CALCR: variants seen among roughly 807,000 people sequenced by gnomAD.
The protein encoded by CALCR is calcitonin receptor.
In CALCR, 47 loss-of-function variants were observed where a neutral mutation model predicts 59.5. That is an observed-to-expected ratio of 0.79 (90% CI 0.63 to 1.01). CALCR has a LOEUF of 1.01. Ranked by LOEUF, CALCR falls within the 50% of genes least tolerant of loss-of-function variation. The pLI is 0.00. For synonymous variants in CALCR, 213 were observed against 211.3 expected, an observed-to-expected ratio of 1.01 and a Z score of -0.07; for missense variants, 566 against 597.1, an observed-to-expected ratio of 0.95 and a Z score of 0.54.
chr7:93,539,103 A>G (rs557398596), intron 2 of CALCR, among the ~76,000 whole-genome samples: 1 of 152,228 alleles, frequency 6.6e-6, no homozygotes, highest in Admixed American at 6.5e-5. Flanking sequence ...ATATGTTACA[A>G]TAGCTCCCCA....
chr7:93,532,838 C>CAAAAAAAAAAAAAAAAAA lies in CALCR; in HGVS notation c.-27+41433_-27+41450dup, dbSNP rs57128008. Among the ~76,000 whole-genome samples the CAAAAAAAAAAAAAAAAAA allele has an allele frequency of 2.1e-4, 20 of 95,672 alleles. 2 individuals carry two copies. Among genetic ancestry groups the CAAAAAAAAAAAAAAAAAA allele is most frequent in the African/African-American group, 9.5e-4 (19 of 19,924 alleles). The allele number at this position is 95,672 out of a possible 152,430, so 62.8% of individuals were successfully genotyped here. A position where few individuals can be genotyped will look rare whatever the true frequency, so the allele number is the denominator to read the frequency against. On this transcript the variant is annotated intron_variant, in intron 2 of 13. Coordinates refer to ENST00000426151, the MANE Select transcript of CALCR (RefSeq NM_001742.4). Reference sequence around the variant, plus strand: ...TAGCCTTGATTCCTCATGTCCAAAGCAAAAAAAAAAAAAAAAAAAAAAAAA... The same window carrying CAAAAAAAAAAAAAAAAAA: ...TAGCCTTGATTCCTCATGTCCAAAGCAAAAAAAAAAAAAAAAAAAAAAAAAAAAAAAAAAAAAAAAAAA...
intron 2 of CALCR, among the ~76,000 whole-genome samples, chr7:93,553,618 G>A (rs987408724): frequency 6.6e-6 from 1 of 151,964 alleles, no homozygotes; most frequent in Non-Finnish European, 1.5e-5. Context: ...AGTTACTGAC[G>A]GTTTCTGTGC....
chr7:93,474,763 C>T (rs922917159), intron 5 of CALCR, among the ~76,000 whole-genome samples: 2 of 151,726 alleles, frequency 1.3e-5, no homozygotes, highest in African/African-American at 4.8e-5. Context: ...GGAATCTTCA[C>T]AAAATTTTAA....
chr7:93,553,287 G>T (rs1391571201), intron 2 of CALCR, among the ~76,000 whole-genome samples: 1 of 152,100 alleles, frequency 6.6e-6, no homozygotes, highest in Non-Finnish European at 1.5e-5. Flanking sequence ...GGTTCAATAT[G>T]TCAAAGAGTT....
At chr7:93,499,569 AGCT>A (rs1801279107) in intron 2 of CALCR, among the ~76,000 whole-genome samples, 1 of 151,836 alleles carries the variant, frequency 6.6e-6, no homozygotes, top group South Asian at 2.1e-4. Context: ...TAGCAGAAAA[AGCT>A]GCAGTAAAAG....
At chr7:93,499,937 T>A (rs1261511848) in intron 2 of CALCR, among the ~76,000 whole-genome samples, 2 of 151,884 alleles carry the variant, frequency 1.3e-5, no homozygotes, top group Admixed American at 1.3e-4. Context: ...ATACAAAATA[T>A]CATCTTGTCC....
rs143546245 is a variant in CALCR at position 93,430,527 on chromosome 7, A to G, written c.1191+3726T>C. ...CTTGCTCTAAAGGGTAACAATACCT[A>G]AGTATCATTTATGATAAAGTTAAAC... On this transcript the variant is annotated intron_variant, in intron 13 of 13. Transcript: ENST00000426151. Among the ~76,000 whole-genome samples, 4 of 152,306 alleles carry G rather than the reference A, an allele frequency of 2.6e-5. No individual in the cohort carries two copies. The East Asian group carries it at 7.7e-4, about 29-fold the overall frequency.
chr7:93,505,277 T>C (rs1311888147), intron 2 of CALCR, among the ~76,000 whole-genome samples: 1 of 152,202 alleles, frequency 6.6e-6, no homozygotes. Flanking sequence ...GTTGCATCTG[T>C]TTTTGTCAAA....
chr7:93,431,157 C>T (rs1401373017), intron 13 of CALCR, among the ~76,000 whole-genome samples: 2 of 152,206 alleles, frequency 1.3e-5, no homozygotes, highest in African/African-American at 4.8e-5. Flanking sequence ...GAGAAAGACA[C>T]ACAAATGGCC....
intron 8 of CALCR, among the ~76,000 whole-genome samples, chr7:93,450,989 A>G (rs954721855): frequency 1.3e-5 from 2 of 151,886 alleles, no homozygotes; most frequent in Admixed American, 1.3e-4. Context: ...TTTCAGGAGT[A>G]ATCTTTTTCC....
At chr7:93,442,435 G>C (rs1056608809) in intron 9 of CALCR, among the ~76,000 whole-genome samples, 2 of 152,124 alleles carry the variant, frequency 1.3e-5, no homozygotes, top group Non-Finnish European at 2.9e-5. Context: ...GGGTGTTATG[G>C]AAACCAGTAT....
Position 93,438,142 on chromosome 7 carries a change from G to C in CALCR, c.864-16C>G. 6.2e-7 allele frequency: 1 copy of C among 1,613,524 alleles called. No individual in the cohort carries two copies. Among genetic ancestry groups the C allele is most frequent in the East Asian group, 2.2e-5 (1 of 44,858 alleles). On this transcript the variant is annotated splice_polypyrimidine_tract_variant and intron_variant, in intron 10 of 13. Transcript: ENST00000426151. ...CAGCCAGCAGCTGAAAAAGGGCAAG[G>C]GGACAATTAATACACAAATACATTT...
intron 12 of CALCR, among the ~76,000 whole-genome samples, chr7:93,434,739 C>A (rs113757138): frequency 9.3e-4 from 142 of 152,252 alleles, no homozygotes; most frequent in African/African-American, 3.2e-3. Context: ...ATACTGTACC[C>A]ACCGCCAAGT....
At chr7:93,449,996 G>A (rs892249233) in intron 8 of CALCR, among the ~76,000 whole-genome samples, 33 of 152,014 alleles carry the variant, frequency 2.2e-4, no homozygotes, top group African/African-American at 8.0e-4. Flanking sequence ...ATGCGTATGT[G>A]CCTTTGGGTA....
At chr7:93,542,451 C>T (rs925374272) in intron 2 of CALCR, among the ~76,000 whole-genome samples, 3 of 152,124 alleles carry the variant, frequency 2.0e-5, no homozygotes, top group Non-Finnish European at 2.9e-5. Flanking sequence ...GGAAGTTGCT[C>T]TGGGTGAGTC....
At chr7:93,498,376 G>A (rs1801254150) in intron 2 of CALCR, among the ~76,000 whole-genome samples, 1 of 151,554 alleles carries the variant, frequency 6.6e-6, no homozygotes, top group African/African-American at 2.4e-5. Flanking sequence ...AGAATTGTGT[G>A]CAGTTCAGAA....
At chr7:93,436,630 G>A (rs1480998466) in intron 11 of CALCR, among the ~76,000 whole-genome samples, 1 of 152,028 alleles carries the variant, frequency 6.6e-6, no homozygotes, top group Non-Finnish European at 1.5e-5. Context: ...TCATTTTAAT[G>A]TAGCTGATTT....
chr7:93,476,725 T>C (rs1800674578), intron 5 of CALCR, among the ~76,000 whole-genome samples: 1 of 151,954 alleles, frequency 6.6e-6, no homozygotes, highest in African/African-American at 2.4e-5. Context: ...AAGTAACTTC[T>C]AATGTAGTTG....
intron 9 of CALCR, among the ~76,000 whole-genome samples, chr7:93,443,101 C>T (rs1192360273): frequency 2.0e-5 from 3 of 152,084 alleles, no homozygotes; most frequent in Non-Finnish European, 2.9e-5. Flanking sequence ...ACTTGGAAGC[C>T]CGTGTGGTTA....
Sources: allele counts gnomAD v4.1 joint callset (sites outside exome capture counted in the v4.1 genomes callset), GRCh38; gene constraint gnomAD v4.1.1; transcripts MANE v1.5; gene names NCBI Gene and HGNC (gene_info 2026-07-23, HGNC 2026-07-21).